Variants in CSMD1 observed in about 807,000 individuals in gnomAD.
The protein encoded by CSMD1 is CUB and Sushi multiple domains 1, also known as CUB and sushi domain-containing protein 1.
In CSMD1, 213 loss-of-function variants were observed where a neutral mutation model predicts 417.5. That is an observed-to-expected ratio of 0.51 (90% CI 0.46 to 0.57). The LOEUF (loss-of-function observed/expected upper bound fraction) is 0.57, where lower values mean the gene tolerates loss of function less well. Ranked by LOEUF, CSMD1 falls within the 20% of genes least tolerant of loss-of-function variation. CSMD1 has a pLI of 0.00. For synonymous variants in CSMD1, 2,862 were observed against 1,736.8 expected (o/e 1.65, Z -16.11); for missense variants, 6,923 against 4,529.7 (o/e 1.53, Z -15.17).
At chr8:3,445,966 T>C (rs993783390) in intron 12 of CSMD1, among the ~76,000 whole-genome samples, 2 of 152,192 alleles carry the variant, frequency 1.3e-5, no homozygotes, top group South Asian at 4.1e-4. Flanking sequence ...TGACTGCTTG[T>C]TCTGGGCACA....
chr8:3,924,144 G>C (rs2954611), intron 5 of CSMD1, among the ~76,000 whole-genome samples: 37,826 of 152,058 alleles, frequency 0.25, 5,480 homozygotes, highest in African/African-American at 0.38. Flanking sequence ...ATTTATGAAG[G>C]ACAGTTTCTC....
intron 1 of CSMD1, among the ~76,000 whole-genome samples, chr8:4,819,263 A>T (rs1407621505): frequency 6.6e-6 from 1 of 152,206 alleles, no homozygotes; most frequent in East Asian, 1.9e-4. Flanking sequence ...AATTAACAAA[A>T]ACAAAACCTC....
chr8:4,133,000 C>G (rs1175334195), intron 3 of CSMD1, among the ~76,000 whole-genome samples: 2 of 152,124 alleles, frequency 1.3e-5, no homozygotes, highest in African/African-American at 4.8e-5. Context: ...GTGGCGCGAT[C>G]TCGGCTCACT....
intron 1 of CSMD1, among the ~76,000 whole-genome samples, chr8:4,686,390 C>A (rs978535772): frequency 6.6e-6 from 1 of 152,220 alleles, no homozygotes; most frequent in African/African-American, 2.4e-5. Flanking sequence ...ACTGCAGAGG[C>A]AGGAAGGCCA....
intron 2 of CSMD1, among the ~76,000 whole-genome samples, chr8:4,430,296 T>C (rs1047414762): frequency 2.0e-5 from 3 of 152,132 alleles, no homozygotes; most frequent in Admixed American, 1.3e-4. Context: ...TGAAAAAATA[T>C]TGCAGTTAAA....
At chr8:4,376,172 A>G (rs1366811302) in intron 3 of CSMD1, among the ~76,000 whole-genome samples, 1 of 152,188 alleles carries the variant, frequency 6.6e-6, no homozygotes, top group Non-Finnish European at 1.5e-5. Flanking sequence ...GTGCTTAACA[A>G]CTGTATCAAA....
At chr8:4,067,798 G>T (rs186245894) in intron 3 of CSMD1, among the ~76,000 whole-genome samples, 93 of 152,272 alleles carry the variant, frequency 6.1e-4, no homozygotes, top group African/African-American at 2.2e-3. Context: ...CTAAAATGGG[G>T]CCAGATACAG....
At chr8:4,426,975 C>T (rs574895437) in intron 2 of CSMD1, among the ~76,000 whole-genome samples, 1 of 152,068 alleles carries the variant, frequency 6.6e-6, no homozygotes, top group African/African-American at 2.4e-5. Context: ...CTGGCCTGGT[C>T]TAGGGATGGG....
Position 4,075,068 on chromosome 8 carries a change from T to C in CSMD1, c.416-42969A>G, listed in dbSNP as rs1014532742. Reference sequence around the variant, plus strand: ...TGATGAGTAAATAATGCTCATACAGTGAATAATATTTCTTCAGTATTATTA... The same window carrying C: ...TGATGAGTAAATAATGCTCATACAGCGAATAATATTTCTTCAGTATTATTA... On this transcript the variant is annotated intron_variant, in intron 3 of 69. Transcript: ENST00000635120. 9.9e-5 allele frequency among the ~76,000 whole-genome samples: 15 copies of C among 152,266 alleles called. No individual in the cohort carries two copies. In the East Asian group the frequency reaches 2.9e-3, roughly 29 times the overall value.
chr8:3,148,519 G>A (rs867281593), intron 40 of CSMD1, among the ~76,000 whole-genome samples: 2 of 152,152 alleles, frequency 1.3e-5, no homozygotes, highest in Admixed American at 6.5e-5. Context: ...GACTCATGAC[G>A]CTGCTTTAAA....
At chr8:4,500,520 G>T (rs1031515206) in intron 2 of CSMD1, among the ~76,000 whole-genome samples, 1 of 152,224 alleles carries the variant, frequency 6.6e-6, no homozygotes, top group East Asian at 1.9e-4. Flanking sequence ...AAGCATTTAA[G>T]ATGAAGGAAT....
At chr8:4,978,463 T>G (rs919032358) in intron 1 of CSMD1, among the ~76,000 whole-genome samples, 1 of 152,198 alleles carries the variant, frequency 6.6e-6, no homozygotes, top group Non-Finnish European at 1.5e-5. Context: ...TTAAAGATGT[T>G]AATAAACCCA....
rs201281101 is a variant in CSMD1, at chr8:3,181,125, G to A, written c.5710C>T (p.His1904Tyr). Reference sequence around the variant, plus strand: ...TTGACCTTACTTTTGTATTCCAGGTGGAAACCAGCAGCTGCCACACTAATG... The same window carrying A: ...TTGACCTTACTTTTGTATTCCAGGTAGAAACCAGCAGCTGCCACACTAATG... Reference protein sequence around the residue: ...SDISVAAAGFHLEYKTVGLAA... With the variant: ...SDISVAAAGFYLEYKTVGLAA... Residue 1904 changes from histidine (H) to tyrosine (Y), a missense_variant, in exon 37 of 70, where the codon CAC becomes TAC. Transcript: ENST00000635120. The A allele has an allele frequency of 1.9e-4, 299 of 1,613,158 alleles. No homozygotes were observed. Among genetic ancestry groups the A allele is most frequent in the Non-Finnish European group, 1.3e-4 (159 of 1,179,260 alleles).
At chr8:3,267,134 C>T (rs1355500591) in intron 26 of CSMD1, among the ~76,000 whole-genome samples, 1 of 152,124 alleles carries the variant, frequency 6.6e-6, no homozygotes, top group African/African-American at 2.4e-5. Context: ...CAGAGGTCGT[C>T]CCGCGGCAGC....
At chr8:4,075,169 G>A (rs576204002) in intron 3 of CSMD1, among the ~76,000 whole-genome samples, 4 of 152,228 alleles carry the variant, frequency 2.6e-5, no homozygotes, top group South Asian at 2.1e-4. Context: ...TTGCTAAGCT[G>A]AAAATCCTTC....
At position 3,110,303 on chromosome 8, in the gene CSMD1, C is replaced by T. The variant is rs1270472039; in HGVS notation, c.6463G>A (p.Gly2155Ser). The change falls in exon 43 of 70, where the codon GGC becomes AGC. Residue 2155 changes from glycine (G) to serine (S), a missense_variant. Transcript: ENST00000635120. ...GGAAAGCCAGGGGAGTAGATGGTGCCGTTCTGAGAAGTTACGTTGTACCCA... is the reference window on the plus strand; with the variant it reads ...GGAAAGCCAGGGGAGTAGATGGTGCTGTTCTGAGAAGTTACGTTGTACCCA... ...PCGYNVTSQN[G>S]TIYSPGFPDE... 6.2e-6 allele frequency: 10 copies of T among 1,612,650 alleles called. No individual in the cohort carries two copies. The highest frequency in any genetic ancestry group is 2.2e-5 in the East Asian group (1 of 44,830).
intron 2 of CSMD1, among the ~76,000 whole-genome samples, chr8:4,601,249 C>G (rs1253722349): frequency 2.6e-5 from 4 of 152,186 alleles, no homozygotes; most frequent in African/African-American, 7.2e-5. Context: ...AGCCACCGCA[C>G]CTGGCCAGAT....
chr8:4,337,788 G>A (rs1284399837), intron 3 of CSMD1, among the ~76,000 whole-genome samples: 1 of 152,088 alleles, frequency 6.6e-6, no homozygotes, highest in African/African-American at 2.4e-5. Context: ...TAATCACACA[G>A]CTCTGATAAA....
At chr8:4,321,367 G>A (rs1040578568) in intron 3 of CSMD1, among the ~76,000 whole-genome samples, 4 of 152,090 alleles carry the variant, frequency 2.6e-5, no homozygotes, top group Non-Finnish European at 5.9e-5. Flanking sequence ...GGCAGTTAAA[G>A]CATAAGAACG....
Sources: gnomAD v4.1 joint callset for allele counts (sites outside exome capture counted in the v4.1 genomes callset) on GRCh38, gnomAD v4.1.1 for gene constraint, MANE v1.5 for transcripts, NCBI Gene and HGNC (gene_info 2026-07-23, HGNC 2026-07-21) for gene names.